COX7B2: variants seen among roughly 807,000 people sequenced by gnomAD.
COX7B2 encodes cytochrome c oxidase subunit 7B2, mitochondrial.
For missense variants in COX7B2, 109 were observed against 95.9 expected (o/e 1.14, Z -0.57); for synonymous variants, 37 against 32.1 (o/e 1.15, Z -0.51).
chr4:46,874,123 C>T (rs971442368), intron 1 of COX7B2, among the ~76,000 whole-genome samples: 9 of 152,018 alleles, frequency 5.9e-5, no homozygotes, highest in African/African-American at 1.4e-4. Flanking sequence ...CCATACATTT[C>T]GTTGTCTTTT....
intron 2 of COX7B2, among the ~76,000 whole-genome samples, chr4:46,820,469 C>A (rs1714192722): frequency 6.6e-6 from 1 of 152,130 alleles, no homozygotes. Context: ...TGGGCTGGTA[C>A]CGGTCCATGG....
chr4:46,848,298 T>TTATAA (rs1716425974), intron 1 of COX7B2, among the ~76,000 whole-genome samples: 1 of 152,090 alleles, frequency 6.6e-6, no homozygotes, highest in Non-Finnish European at 1.5e-5. Context: ...CTTTTCATTG[T>TTATAA]TATAAGACAT....
chr4:46,787,291 T>C (rs1240542375), intron 2 of COX7B2, among the ~76,000 whole-genome samples: 2 of 151,842 alleles, frequency 1.3e-5, no homozygotes, highest in African/African-American at 4.8e-5. Flanking sequence ...CTACTAAAAA[T>C]ACAAAGTTAG....
At chr4:46,874,245 G>A (rs1198268661) in intron 1 of COX7B2, among the ~76,000 whole-genome samples, 3 of 152,104 alleles carry the variant, frequency 2.0e-5, no homozygotes, top group Non-Finnish European at 2.9e-5. Context: ...ATTTAAGTAC[G>A]AGCAACATGG....
At chr4:46,783,780 C>G (rs1717605762) in intron 2 of COX7B2, among the ~76,000 whole-genome samples, 1 of 151,960 alleles carries the variant, frequency 6.6e-6, no homozygotes, top group Non-Finnish European at 1.5e-5. Flanking sequence ...AAAGAAGAAA[C>G]AAGGAAGAAA....
chr4:46,869,599 A>G (rs1717865700), intron 1 of COX7B2, among the ~76,000 whole-genome samples: 1 of 152,134 alleles, frequency 6.6e-6, no homozygotes, highest in Non-Finnish European at 1.5e-5. Flanking sequence ...CACTTTTCTA[A>G]AAAGGATCTT....
chr4:46,884,934 G>A (rs1324537462), intron 1 of COX7B2, among the ~76,000 whole-genome samples: 1 of 146,008 alleles, frequency 6.8e-6, no homozygotes. Context: ...TAATATTTTT[G>A]TTAATGCCCT....
chr4:46,793,082 G>T (rs1450322870), intron 2 of COX7B2, among the ~76,000 whole-genome samples: 1 of 152,178 alleles, frequency 6.6e-6, no homozygotes. Context: ...AGGCGCTCCT[G>T]GCCGACTGTG....
At chr4:46,854,763 T>C (rs939670698) in intron 1 of COX7B2, among the ~76,000 whole-genome samples, 1 of 152,186 alleles carries the variant, frequency 6.6e-6, no homozygotes, top group African/African-American at 2.4e-5. Flanking sequence ...ATTAAAGTAA[T>C]ATATTCTTAA....
intron 2 of COX7B2, among the ~76,000 whole-genome samples, chr4:46,759,515 C>A (rs1001493890): frequency 6.6e-6 from 1 of 151,602 alleles, no homozygotes; most frequent in East Asian, 1.9e-4. Context: ...AAAAAACAAC[C>A]CCATCAAAAA....
intron 2 of COX7B2, among the ~76,000 whole-genome samples, chr4:46,819,142 T>C (rs1027745080): frequency 2.6e-5 from 4 of 152,198 alleles, no homozygotes; most frequent in African/African-American, 9.7e-5. Flanking sequence ...TGATAGATTT[T>C]CTTGCATAAT....
At chr4:46,843,612 G>C (rs969601882) in intron 2 of COX7B2, among the ~76,000 whole-genome samples, 2 of 151,924 alleles carry the variant, frequency 1.3e-5, no homozygotes. Context: ...AGAATCAAAG[G>C]AGAGAGGAAC....
chr4:46,745,787 C>T (rs1714989184), intron 2 of COX7B2, among the ~76,000 whole-genome samples: 1 of 152,196 alleles, frequency 6.6e-6, no homozygotes, highest in East Asian at 1.9e-4. Context: ...AAGAGGTTAC[C>T]CATCTAAAAA....
At chr4:46,770,701 A>G (rs1162552361) in intron 2 of COX7B2, among the ~76,000 whole-genome samples, 2 of 152,114 alleles carry the variant, frequency 1.3e-5, no homozygotes, top group Non-Finnish European at 2.9e-5. Flanking sequence ...ATCTCCAACA[A>G]AAGTATCAAT....
chr4:46,735,452 G>A (rs1714307492), intron 2 of COX7B2, among the ~76,000 whole-genome samples: 1 of 152,148 alleles, frequency 6.6e-6, no homozygotes, highest in African/African-American at 2.4e-5. Flanking sequence ...ATTATTACAT[G>A]TGATAATCCA....
chr4:46,812,280 T>G (rs558995510), intron 2 of COX7B2, among the ~76,000 whole-genome samples: 34 of 152,170 alleles, frequency 2.2e-4, no homozygotes, highest in African/African-American at 7.5e-4. Flanking sequence ...CCTATCTCTC[T>G]GAGGCACATC....
At chr4:46,831,317 C>T (rs922516269) in intron 2 of COX7B2, among the ~76,000 whole-genome samples, 1 of 152,122 alleles carries the variant, frequency 6.6e-6, no homozygotes, top group Admixed American at 6.5e-5. Flanking sequence ...GCCTGAGTGC[C>T]CCCCCAACCT....
chr4:46,908,895 T>A (rs1411543810), intron 1 of COX7B2, among the ~76,000 whole-genome samples: 1 of 151,610 alleles, frequency 6.6e-6, no homozygotes, highest in African/African-American at 2.4e-5. Flanking sequence ...CAAAAAAAAA[T>A]TAGCCAGGCG....
At chr4:46,847,196 C>T (rs149832633) in intron 1 of COX7B2, among the ~76,000 whole-genome samples, 5 of 152,172 alleles carry the variant, frequency 3.3e-5, no homozygotes, top group African/African-American at 1.2e-4. Flanking sequence ...CTGTATGATT[C>T]CCATCTCCCA....
Sources: allele counts gnomAD v4.1 joint callset (sites outside exome capture counted in the v4.1 genomes callset), GRCh38; gene constraint gnomAD v4.1.1; transcripts MANE v1.5; gene names NCBI Gene and HGNC (gene_info 2026-07-23, HGNC 2026-07-21).